DOCK1: variants seen among roughly 807,000 people sequenced by gnomAD.
DOCK1 encodes dedicator of cytokinesis protein 1.
In DOCK1, 138 loss-of-function variants were observed where a neutral mutation model predicts 262.7. The observed-to-expected ratio is 0.53, with a 90% CI of 0.46 to 0.61. The LOEUF (loss-of-function observed/expected upper bound fraction) is 0.61. Ranked by LOEUF, DOCK1 falls within the 20% of genes least tolerant of loss-of-function variation. DOCK1 has a pLI of 0.00. For synonymous variants in DOCK1, 866 were observed against 867.4 expected (o/e 1.00, Z 0.03); for missense variants, 1,908 against 2,370.7 (o/e 0.80, Z 4.05).
rs778877601 is a variant in DOCK1 at position 127,037,795 on chromosome 10, CGAT to C, written c.1991_1993del (p.Asp664del). ...AGAACTTGAGGCAGCTGATGAAAGT[CGAT>C]GGTGGTGAAGTAGTGAAGGTAACAT... On this transcript the variant is annotated inframe_deletion, in exon 19 of 52. Transcript: ENST00000623213. 3.1e-5 allele frequency: 49 copies of C among 1,592,654 alleles called. No homozygotes were observed. The highest frequency in any genetic ancestry group is 4.1e-5 in the Non-Finnish European group (48 of 1,170,604).
intron 31 of DOCK1, 113 bp from the exon 32 acceptor site, chr10:127,354,556 C>A: frequency 8.3e-7 from 1 of 1,200,806 alleles, no homozygotes; most frequent in Non-Finnish European, 1.2e-6. Context: ...CTTTGACACT[C>A]TCTTTATTTG....
chr10:127,236,497 C>CA (rs1564924441), intron 27 of DOCK1, among the ~76,000 whole-genome samples: 2 of 104,178 alleles, frequency 1.9e-5, no homozygotes, highest in Non-Finnish European at 3.9e-5. Context: ...CTTCTTGACA[C>CA]GGGTTTTTTT....
Position 127,452,350 on chromosome 10 carries a change from A to T in DOCK1, c.*923A>T, listed in dbSNP as rs1007498895. On this transcript the variant is annotated 3_prime_UTR_variant, in exon 52 of 52. Coordinates refer to ENST00000623213, the MANE Select transcript of DOCK1 (RefSeq NM_001290223.2). ...CACATTTTTTTTTTGAGAACTCCAA[A>T]GTCCTGAAAATTTTGGTGGACAATG... 1.3e-5 allele frequency: 2 copies of T among 152,582 alleles called. No individual in the cohort carries two copies. Among genetic ancestry groups the T allele is most frequent in the South Asian group, 4.1e-4 (2 of 4,824 alleles). The allele number at this position is 152,582 out of a possible 1,614,324, so 9.5% of individuals were successfully genotyped here.
chr10:127,315,265 A>G (rs1246005263), intron 29 of DOCK1, among the ~76,000 whole-genome samples: 1 of 152,202 alleles, frequency 6.6e-6, no homozygotes, highest in East Asian at 1.9e-4. Flanking sequence ...GACTATTAAA[A>G]ATCCAAAATT....
intron 29 of DOCK1, among the ~76,000 whole-genome samples, chr10:127,274,172 A>T (rs2060663403): frequency 6.6e-6 from 1 of 152,168 alleles, no homozygotes; most frequent in Non-Finnish European, 1.5e-5. Flanking sequence ...CGGTAGAGAA[A>T]GGGCATGTCC....
rs536877763 is a variant in DOCK1, at chr10:127,193,996, C to G, written c.2848-54012C>G. The stretch of plus-strand genomic sequence containing the variant: ...ATAAAGGGCCTGACTTACATGAAAG[C>G]TCAAAGTCTTAATCACAATGATAAA... On this transcript the variant is annotated intron_variant, in intron 27 of 51. Transcript: ENST00000623213. Among the ~76,000 whole-genome samples the G allele has an allele frequency of 7.9e-5, 12 of 152,288 alleles. No individual in the cohort carries two copies. In the South Asian group the frequency reaches 1.9e-3, roughly 24 times the overall value.
chr10:127,196,600 C>A (rs1441922233), intron 27 of DOCK1, among the ~76,000 whole-genome samples: 1 of 70,250 alleles, frequency 1.4e-5, no homozygotes, highest in African/African-American at 5.6e-5. Context: ...CCGGGCCCCG[C>A]GGGGCGGAGG....
At chr10:127,184,987 C>T (rs1385213537) in intron 27 of DOCK1, among the ~76,000 whole-genome samples, 8 of 152,142 alleles carry the variant, frequency 5.3e-5, no homozygotes, top group Admixed American at 6.5e-5. Flanking sequence ...GAGAGAGACA[C>T]GTTGATGCCT....
chr10:127,399,747 T>G (rs947669743), intron 38 of DOCK1, among the ~76,000 whole-genome samples: 4 of 151,832 alleles, frequency 2.6e-5, no homozygotes, highest in South Asian at 4.2e-4. Flanking sequence ...TAAAAAAAAA[T>G]AAGAAGAAGA....
chr10:127,007,014 G>A (rs1190892707), intron 10 of DOCK1, among the ~76,000 whole-genome samples: 2 of 152,194 alleles, frequency 1.3e-5, no homozygotes, highest in Non-Finnish European at 2.9e-5. Context: ...AGTCAGTCGC[G>A]TGTGGGTCAG....
At chr10:126,954,138 A>G (rs1190080220) in intron 1 of DOCK1, among the ~76,000 whole-genome samples, 4 of 152,322 alleles carry the variant, frequency 2.6e-5, no homozygotes, top group South Asian at 2.1e-4. Context: ...AAGTATTTCT[A>G]CTGTGGTGCA....
At chr10:127,401,742 C>T (rs1477248932) in intron 38 of DOCK1, among the ~76,000 whole-genome samples, 1 of 152,150 alleles carries the variant, frequency 6.6e-6, no homozygotes, top group Non-Finnish European at 1.5e-5. Flanking sequence ...CCTGCCTGAC[C>T]ATCATCTGAC....
chr10:127,324,615 T>G (rs7899421), intron 29 of DOCK1, among the ~76,000 whole-genome samples: 8,578 of 146,732 alleles, frequency 0.058, 803 homozygotes, highest in African/African-American at 0.21. Context: ...AATATTTCGG[T>G]TTTTTTTTTA....
intron 27 of DOCK1, among the ~76,000 whole-genome samples, chr10:127,217,152 G>A (rs184569474): frequency 3.9e-4 from 60 of 152,362 alleles, no homozygotes; most frequent in African/African-American, 1.4e-3. Flanking sequence ...ATTAGAGCTA[G>A]AACCAGTGTC....
rs1037566771 is a variant in DOCK1, at chr10:126,995,508, C to T, written c.474-1240C>T. Among the ~76,000 whole-genome samples the T allele has an allele frequency of 7.9e-5, 12 of 152,262 alleles. No individual in the cohort carries two copies. The highest frequency in any genetic ancestry group is 3.9e-4 in the Admixed American group (6 of 15,304). ...TACGAAAACCAGTCAGGTGTGGCGGCGCGCGCCTGCAATCCCAGGCACTCC... is the reference window on the plus strand; with the variant it reads ...TACGAAAACCAGTCAGGTGTGGCGGTGCGCGCCTGCAATCCCAGGCACTCC... On this transcript the variant is annotated intron_variant, in intron 6 of 51. Coordinates refer to ENST00000623213, the MANE Select transcript of DOCK1 (RefSeq NM_001290223.2). The surrounding 1 kb of genome is among the most constrained non-coding windows in gnomAD (Gnocchi z 5.8).
intron 1 of DOCK1, among the ~76,000 whole-genome samples, chr10:126,966,182 A>G (rs1260783772): frequency 6.6e-6 from 1 of 152,206 alleles, no homozygotes; most frequent in Non-Finnish European, 1.5e-5. Flanking sequence ...GTTGTTGGGA[A>G]TGACAAGATT....
chr10:127,174,884 A>T (rs779532101), intron 27 of DOCK1, among the ~76,000 whole-genome samples: 7 of 152,174 alleles, frequency 4.6e-5, no homozygotes, highest in Non-Finnish European at 1.0e-4. Context: ...TTGGACTGGC[A>T]TATGTTGTTA....
intron 51 of DOCK1, among the ~76,000 whole-genome samples, chr10:127,448,802 GT>G (rs11430524): frequency 0.2 from 29,238 of 148,332 alleles, 3,898 homozygotes; most frequent in African/African-American, 0.38. Context: ...GTGAGACATG[GT>G]TTTTTTTTTT....
chr10:127,433,862 G>T (rs11018082), intron 48 of DOCK1, among the ~76,000 whole-genome samples: 1 of 151,448 alleles, frequency 6.6e-6, no homozygotes, highest in African/African-American at 2.4e-5. Flanking sequence ...TAGCTCATCA[G>T]CTATTGTTAG....
Sources: gnomAD v4.1 joint callset for allele counts (sites outside exome capture counted in the v4.1 genomes callset) on GRCh38, gnomAD v4.1.1 for gene constraint, Gnocchi (gnomAD v3.1) non-coding constraint, MANE v1.5 for transcripts, NCBI Gene and HGNC (gene_info 2026-07-23, HGNC 2026-07-21) for gene names.